Variants in FAM117B observed in about 807,000 individuals in gnomAD.
The protein encoded by FAM117B is protein FAM117B.
A neutral mutation model predicts 52.8 loss-of-function variants in FAM117B; 22 were observed. That is an observed-to-expected ratio of 0.42 (90% confidence interval 0.30 to 0.59). FAM117B has a LOEUF of 0.59. Ranked by LOEUF, FAM117B falls within the 20% of genes least tolerant of loss-of-function variation. The pLI is 0.22. For synonymous variants in FAM117B, 309 were observed against 324.1 expected (o/e 0.95, Z 0.50); for missense variants, 678 against 802.6 (o/e 0.84, Z 1.88).
intron 2 of FAM117B, among the ~76,000 whole-genome samples, chr2:202,696,714 G>A (rs1486247799): frequency 6.6e-6 from 1 of 152,142 alleles, no homozygotes; most frequent in East Asian, 1.9e-4. Context: ...AAGGGACTCT[G>A]GAAGCAAAGT....
intron 4 of FAM117B, among the ~76,000 whole-genome samples, chr2:202,730,470 G>C (rs565952142): frequency 6.6e-6 from 1 of 152,268 alleles, no homozygotes; most frequent in Non-Finnish European, 1.5e-5. Flanking sequence ...AGGAGTTCAA[G>C]ACCAGCCTGG....
intron 1 of FAM117B, among the ~76,000 whole-genome samples, chr2:202,683,778 A>G (rs1559101530): frequency 6.6e-6 from 1 of 152,232 alleles, no homozygotes; most frequent in Non-Finnish European, 1.5e-5. Flanking sequence ...AGAAAATAGA[A>G]GAGATAATAC....
At chr2:202,682,417 C>A (rs964666699) in intron 1 of FAM117B, among the ~76,000 whole-genome samples, 5 of 152,136 alleles carry the variant, frequency 3.3e-5, no homozygotes, top group African/African-American at 1.2e-4. Context: ...TGCTGACACC[C>A]AAAAGCAGTC....
chr2:202,750,264 A>T (rs1691702666), intron 4 of FAM117B, among the ~76,000 whole-genome samples: 2 of 152,156 alleles, frequency 1.3e-5, no homozygotes, highest in African/African-American at 4.8e-5. Flanking sequence ...TAATGTCAGC[A>T]CTTTGAGAGG....
intron 1 of FAM117B, among the ~76,000 whole-genome samples, chr2:202,644,608 A>G (rs745660717): frequency 5.3e-5 from 8 of 152,170 alleles, no homozygotes; most frequent in Non-Finnish European, 8.8e-5. Context: ...GCATTTTCCA[A>G]TAATTTTTTG....
chr2:202,638,974 C>T (rs909431467), intron 1 of FAM117B, among the ~76,000 whole-genome samples: 2 of 152,160 alleles, frequency 1.3e-5, no homozygotes, highest in African/African-American at 4.8e-5. Flanking sequence ...TCATAACACA[C>T]ACAAAACTAC....
chr2:202,690,666 T>C (rs1690607002), intron 1 of FAM117B, among the ~76,000 whole-genome samples: 1 of 152,134 alleles, frequency 6.6e-6, no homozygotes, highest in Non-Finnish European at 1.5e-5. Context: ...AAGGGCACAG[T>C]ACATACTGGG....
chr2:202,636,201 C>G (rs915557313), intron 1 of FAM117B, among the ~76,000 whole-genome samples: 3 of 152,190 alleles, frequency 2.0e-5, no homozygotes, highest in African/African-American at 7.2e-5. Flanking sequence ...TTGGCATAGC[C>G]CATATCTGCT....
At chr2:202,679,750 C>G (rs1371978374) in intron 1 of FAM117B, among the ~76,000 whole-genome samples, 1 of 152,068 alleles carries the variant, frequency 6.6e-6, no homozygotes, top group African/African-American at 2.4e-5. Flanking sequence ...ACTTTCAGAA[C>G]AAAGCACAGG....
chr2:202,664,813 C>T (rs1474532472), intron 1 of FAM117B, among the ~76,000 whole-genome samples: 1 of 152,104 alleles, frequency 6.6e-6, no homozygotes, highest in Non-Finnish European at 1.5e-5. Flanking sequence ...ACGGGTTTCT[C>T]TGTGGGTCAG....
intron 4 of FAM117B, among the ~76,000 whole-genome samples, chr2:202,754,869 G>T (rs1691777702): frequency 8.6e-6 from 1 of 115,740 alleles, no homozygotes; most frequent in Admixed American, 1.2e-4. Flanking sequence ...CAACCTGGGT[G>T]ACAGAGTGAG....
At chr2:202,690,233 T>C (rs1326660073) in intron 1 of FAM117B, among the ~76,000 whole-genome samples, 2 of 152,246 alleles carry the variant, frequency 1.3e-5, no homozygotes, top group Non-Finnish European at 2.9e-5. Flanking sequence ...AGCCATAGTT[T>C]TTATTTACTT....
chr2:202,706,649 CTA>C (rs1291675721), intron 2 of FAM117B, among the ~76,000 whole-genome samples: 3 of 152,128 alleles, frequency 2.0e-5, no homozygotes, highest in Non-Finnish European at 4.4e-5. Context: ...AAAAATATCA[CTA>C]TTTTACATAT....
intron 1 of FAM117B, among the ~76,000 whole-genome samples, chr2:202,647,797 T>G (rs1184671150): frequency 6.6e-6 from 1 of 152,220 alleles, no homozygotes; most frequent in African/African-American, 2.4e-5. Flanking sequence ...CTAGTGAGTT[T>G]ATGTATTTTT....
intron 2 of FAM117B, among the ~76,000 whole-genome samples, chr2:202,720,183 T>A (rs1157172144): frequency 6.6e-6 from 1 of 152,192 alleles, no homozygotes; most frequent in East Asian, 1.9e-4. Flanking sequence ...ACTTTGTAGC[T>A]CTGTCATTCT....
At chr2:202,637,025 T>C (rs1347585281) in intron 1 of FAM117B, among the ~76,000 whole-genome samples, 1 of 151,366 alleles carries the variant, frequency 6.6e-6, no homozygotes, top group Admixed American at 6.6e-5. Flanking sequence ...GTCTCCTGAG[T>C]AGCTGGGATT....
chr2:202,678,975 A>G (rs1215759070), intron 1 of FAM117B, among the ~76,000 whole-genome samples: 1 of 152,208 alleles, frequency 6.6e-6, no homozygotes, highest in Non-Finnish European at 1.5e-5. Flanking sequence ...TAAAAGAAAC[A>G]AAAACTTCCC....
At chr2:202,705,234 A>AGGT (rs756575493) in intron 2 of FAM117B, among the ~76,000 whole-genome samples, 80 of 151,970 alleles carry the variant, frequency 5.3e-4, no homozygotes, top group Non-Finnish European at 9.7e-4. Flanking sequence ...TGTACCTGGG[A>AGGT]GGTGGAGGTT....
rs189188259 is a variant in FAM117B at position 202,719,478 on chromosome 2, A to G, written c.754-5439A>G. On this transcript the variant is annotated intron_variant, in intron 2 of 7. Coordinates refer to ENST00000392238, the MANE Select transcript of FAM117B (RefSeq NM_173511.4). ...ACCTTTCACCTATATTTACCAAGTA[A>G]CATTTGCCACATTTTGCTTTATTTT... is the stretch of plus-strand genomic sequence containing the variant. Among the ~76,000 whole-genome samples, 363 of 152,312 alleles carry G rather than the reference A, an allele frequency of 2.4e-3. 2 individuals carry two copies. Among genetic ancestry groups the G allele is most frequent in the African/African-American group, 8.2e-3 (342 of 41,586 alleles).
Sources: gnomAD v4.1 joint callset for allele counts (sites outside exome capture counted in the v4.1 genomes callset) on GRCh38, gnomAD v4.1.1 for gene constraint, MANE v1.5 for transcripts, NCBI Gene and HGNC (gene_info 2026-07-23, HGNC 2026-07-21) for gene names.